Variants in MCTP2 observed in about 807,000 individuals in gnomAD.
MCTP2 encodes multiple C2 and transmembrane domain containing 2.
A neutral mutation model predicts 111.6 loss-of-function variants in MCTP2; 132 were observed. That is an observed-to-expected ratio of 1.18 (90% CI 1.03 to 1.37). The LOEUF is 1.37. MCTP2 is among the 40% of genes most tolerant of loss of function. The pLI is 0.00. For synonymous variants in MCTP2, 395 were observed against 387.7 expected (o/e 1.02, Z -0.22); for missense variants, 1,183 against 1,067.9 (o/e 1.11, Z -1.50).
At chr15:94,402,631 G>A in intron 17 of MCTP2, 1 of 1,546,544 alleles carries the variant, frequency 6.5e-7, no homozygotes, top group South Asian at 1.2e-5. Flanking sequence ...GAGAGCCCAA[G>A]AATCTTGGAA....
intron 1 of MCTP2, among the ~76,000 whole-genome samples, chr15:94,277,052 G>C (rs2074255579): frequency 6.6e-6 from 1 of 151,714 alleles, no homozygotes; most frequent in Non-Finnish European, 1.5e-5. Flanking sequence ...GATAATTAGA[G>C]TTTACAGACA....
chr15:94,299,267 T>G (rs1196327806), intron 2 of MCTP2, among the ~76,000 whole-genome samples: 1 of 151,980 alleles, frequency 6.6e-6, no homozygotes, highest in Non-Finnish European at 1.5e-5. Flanking sequence ...TTCTCTTTTA[T>G]CTGTCTCCTG....
chr15:94,345,802 A>T (rs1010470749), intron 8 of MCTP2, among the ~76,000 whole-genome samples: 7 of 152,236 alleles, frequency 4.6e-5, no homozygotes, highest in Middle Eastern at 3.2e-3. Context: ...ACAGCAAAAA[A>T]GTATTTGTAA....
chr15:94,298,802 C>T (rs2075403605), intron 2 of MCTP2, 72 bp downstream of exon 2: 1 of 965,638 alleles, frequency 1.0e-6, no homozygotes, highest in East Asian at 2.8e-5. Context: ...TTCTCCCTCT[C>T]TCCCCATCTC....
At chr15:94,478,907 C>A in intron 22 of MCTP2, 59 bp from the exon 23 acceptor site, 1 of 1,510,730 alleles carries the variant, frequency 6.6e-7, no homozygotes, top group Non-Finnish European at 9.2e-7. Context: ...GCCATTAGCA[C>A]ACACTGTGGC....
chr15:94,378,946 A>C (rs917996353), intron 12 of MCTP2, among the ~76,000 whole-genome samples: 44 of 152,258 alleles, frequency 2.9e-4, no homozygotes, highest in African/African-American at 1.0e-3. Context: ...TACATCATAC[A>C]GCAGGCATTA....
At chr15:94,456,232 A>G (rs1202017597) in intron 19 of MCTP2, among the ~76,000 whole-genome samples, 2 of 152,232 alleles carry the variant, frequency 1.3e-5, no homozygotes, top group Non-Finnish European at 2.9e-5. Context: ...CAAATTCATT[A>G]TAAAGTAACA....
At chr15:94,329,048 C>T (rs1244328627) in intron 4 of MCTP2, among the ~76,000 whole-genome samples, 1 of 152,136 alleles carries the variant, frequency 6.6e-6, no homozygotes, top group African/African-American at 2.4e-5. Context: ...AGGGTCCCAG[C>T]ACAAGGCAGA....
intron 19 of MCTP2, among the ~76,000 whole-genome samples, chr15:94,443,993 A>AAAAAAAAAAAAAAC (rs2083957912): frequency 6.7e-6 from 1 of 149,388 alleles, no homozygotes; most frequent in African/African-American, 2.5e-5. Flanking sequence ...AAAAAAAAAA[A>AAAAAAAAAAAAAAC]AAAAAAAAAA....
intron 1 of MCTP2, among the ~76,000 whole-genome samples, chr15:94,247,575 G>C (rs1228600832): frequency 1.3e-5 from 2 of 151,922 alleles, no homozygotes; most frequent in African/African-American, 4.8e-5. Context: ...ATTTCATTAC[G>C]AAATGATTGG....
At chr15:94,414,003 A>G (rs1386681544) in intron 17 of MCTP2, among the ~76,000 whole-genome samples, 2 of 152,070 alleles carry the variant, frequency 1.3e-5, no homozygotes, top group South Asian at 2.1e-4. Flanking sequence ...CAACTTTCCT[A>G]TTTTCTTGTA....
At chr15:94,236,842 A>G (rs1275319150) in intron 1 of MCTP2, among the ~76,000 whole-genome samples, 1 of 152,108 alleles carries the variant, frequency 6.6e-6, no homozygotes, top group Non-Finnish European at 1.5e-5. Context: ...ATTGTAGATC[A>G]GGAGGGAGGT....
chr15:94,474,663 A>G (rs2074202377), intron 21 of MCTP2, among the ~76,000 whole-genome samples: 1 of 152,142 alleles, frequency 6.6e-6, no homozygotes, highest in Admixed American at 6.5e-5. Context: ...GTTCAACACC[A>G]GCCTGACCAA....
intron 18 of MCTP2, among the ~76,000 whole-genome samples, chr15:94,442,542 A>G (rs955993357): frequency 6.6e-6 from 1 of 152,240 alleles, no homozygotes; most frequent in African/African-American, 2.4e-5. Flanking sequence ...AGCAGTCATT[A>G]TAACAATGAG....
intron 17 of MCTP2, among the ~76,000 whole-genome samples, chr15:94,429,651 T>C (rs943483385): frequency 2.0e-5 from 3 of 152,216 alleles, no homozygotes; most frequent in African/African-American, 4.8e-5. Context: ...ATTTGGACTT[T>C]TGTAGAAATC....
In MCTP2 at chr15:94,367,614, G is replaced by A. The variant is rs1480433039; in HGVS notation, c.1311G>A (p.Val437=). 4 of 1,610,312 alleles carry A rather than the reference G, an allele frequency of 2.5e-6. No individual in the cohort carries two copies. Among genetic ancestry groups the A allele is most frequent in the Admixed American group, 1.7e-5 (1 of 59,322 alleles). Residue 437 remains valine (V), a synonymous_variant, in exon 11 of 23, where the codon GTG becomes GTA. Transcript: ENST00000357742. ...KHEERLGTCK[V]DISALPLKQA... ...CCTGAAACTTTTCTAGGTGTAAAGTGGATATCTCGGCACTCCCTCTGAAGC... is the reference window on the plus strand; with the variant it reads ...CCTGAAACTTTTCTAGGTGTAAAGTAGATATCTCGGCACTCCCTCTGAAGC...
chr15:94,356,938 C>T (rs1053345428), intron 9 of MCTP2, among the ~76,000 whole-genome samples: 1 of 151,800 alleles, frequency 6.6e-6, no homozygotes, highest in African/African-American at 2.4e-5. Context: ...GTCCCTAAAG[C>T]GTGATAATTA....
intron 12 of MCTP2, among the ~76,000 whole-genome samples, chr15:94,382,151 T>C (rs1038707278): frequency 9.2e-5 from 14 of 152,310 alleles, no homozygotes; most frequent in African/African-American, 3.4e-4. Flanking sequence ...AGAATTCATA[T>C]TGGAAGTGAA....
At chr15:94,360,095 C>T (rs912512990) in intron 10 of MCTP2, among the ~76,000 whole-genome samples, 8 of 152,108 alleles carry the variant, frequency 5.3e-5, no homozygotes, top group African/African-American at 1.2e-4. Flanking sequence ...TTTCATCACA[C>T]GTGTCCAAAC....
Sources: allele counts gnomAD v4.1 joint callset (sites outside exome capture counted in the v4.1 genomes callset), GRCh38; gene constraint gnomAD v4.1.1; transcripts MANE v1.5; gene names NCBI Gene and HGNC (gene_info 2026-07-23, HGNC 2026-07-21).